ZBTB7C: variants seen among roughly 807,000 people sequenced by gnomAD.
The protein encoded by ZBTB7C is zinc finger and BTB domain-containing protein 7C.
In ZBTB7C, 8 loss-of-function variants were observed where a neutral mutation model predicts 25.7. The observed-to-expected ratio is 0.31, with a 90% CI of 0.18 to 0.56. The LOEUF is 0.56. ZBTB7C is among the 20% of genes least tolerant of loss of function. The pLI is 0.91. For missense variants in ZBTB7C, 824 were observed against 855.2 expected (o/e 0.96, Z 0.46); for synonymous variants, 394 against 369.0 (o/e 1.07, Z -0.78).
At chr18:48,034,153 C>T (rs1197946907) in intron 4 of ZBTB7C, among the ~76,000 whole-genome samples, 1 of 152,140 alleles carries the variant, frequency 6.6e-6, no homozygotes, top group Non-Finnish European at 1.5e-5. Context: ...CTGGCAGTTC[C>T]ACTTAAAACT....
At chr18:48,080,452 A>G (rs2037938627) in intron 3 of ZBTB7C, among the ~76,000 whole-genome samples, 1 of 152,210 alleles carries the variant, frequency 6.6e-6, no homozygotes, top group South Asian at 2.1e-4. Flanking sequence ...AGCCACAAAC[A>G]ATGCTCTAAT....
rs901389719 is a variant in ZBTB7C at position 48,347,139 on chromosome 18, T to G, written c.-303-8741A>C. Among the ~76,000 whole-genome samples, 6 of 145,354 alleles carry G rather than the reference T, an allele frequency of 4.1e-5. No homozygotes were observed. The East Asian group carries it at 7.9e-4, about 19-fold the overall frequency. ...GTTTTTGTTTGTTTTTTTTTTTTTT[T>G]TTTTTTTTTGAGACGGAGTCTCGCT... On this transcript the variant is annotated intron_variant, in intron 1 of 4. Transcript: ENST00000590800.
At position 48,029,868 on chromosome 18, in the gene ZBTB7C, G is replaced by A; in HGVS notation, c.1252C>T (p.Arg418Trp). 3 of 1,611,328 alleles carry A rather than the reference G, an allele frequency of 1.9e-6. No homozygotes were observed. The highest frequency in any genetic ancestry group is 1.1e-5 in the South Asian group (1 of 91,090). ...TTGCAGTGGATGCACAGGTAGGGCC[G>A]CTCCCCTGTGTGCTTCCGCATGTGG... ...KIHMRKHTGE[R>W]PYLCIHCNAK... The change falls in exon 5 of 5, where the codon CGG becomes TGG. Residue 418 changes from arginine (R) to tryptophan (W), a missense_variant. Transcript: ENST00000590800.
intron 1 of ZBTB7C, among the ~76,000 whole-genome samples, chr18:48,398,918 C>T (rs2048092393): frequency 6.6e-6 from 1 of 152,146 alleles, no homozygotes; most frequent in Admixed American, 6.5e-5. Flanking sequence ...AATAACTTGG[C>T]AAAATTATTC....
chr18:48,231,866 CCATGTAAG>C (rs2043264575), intron 2 of ZBTB7C, among the ~76,000 whole-genome samples: 1 of 152,208 alleles, frequency 6.6e-6, no homozygotes, highest in Admixed American at 6.5e-5. Context: ...CCAGTGCCAG[CCATGTAAG>C]CTTCTTGTGG....
chr18:48,226,386 C>A (rs114253440), intron 2 of ZBTB7C, among the ~76,000 whole-genome samples: 80 of 152,264 alleles, frequency 5.3e-4, no homozygotes, highest in African/African-American at 1.9e-3. Context: ...AATCTTAGTC[C>A]TTAACAATCA....
At chr18:48,161,787 C>A (rs1363125563) in intron 3 of ZBTB7C, among the ~76,000 whole-genome samples, 4 of 150,958 alleles carry the variant, frequency 2.6e-5, no homozygotes, top group African/African-American at 9.8e-5. Context: ...CCCGCCCTCT[C>A]CCTCCACTCT....
At chr18:48,195,609 A>G (rs1475196182) in intron 2 of ZBTB7C, among the ~76,000 whole-genome samples, 1 of 152,238 alleles carries the variant, frequency 6.6e-6, no homozygotes, top group Non-Finnish European at 1.5e-5. Context: ...GTGTGAGAAC[A>G]GACTAATACA....
chr18:48,280,606 C>A (rs934144649), intron 2 of ZBTB7C, among the ~76,000 whole-genome samples: 2 of 152,088 alleles, frequency 1.3e-5, no homozygotes, highest in African/African-American at 4.8e-5. Context: ...AGCCACACCC[C>A]CAACTCTGAC....
chr18:48,095,117 A>G (rs181708071), intron 3 of ZBTB7C, among the ~76,000 whole-genome samples: 215 of 152,322 alleles, frequency 1.4e-3, no homozygotes, highest in South Asian at 2.3e-3. Flanking sequence ...CTTTGGCAAT[A>G]TAACAGGTGA....
At chr18:48,065,138 G>C (rs1427843425) in intron 3 of ZBTB7C, among the ~76,000 whole-genome samples, 2 of 149,180 alleles carry the variant, frequency 1.3e-5, no homozygotes, top group Non-Finnish European at 3.0e-5. Flanking sequence ...TCCCTGTCCA[G>C]CGAGCGCATG....
At chr18:48,350,684 C>A (rs1453116001) in intron 1 of ZBTB7C, 3 of 152,076 alleles carry the variant, frequency 2.0e-5, no homozygotes, top group African/African-American at 7.2e-5. Flanking sequence ...CCCCTGTCGC[C>A]CACCACCCAG....
chr18:48,195,172 T>A (rs2081246474), intron 2 of ZBTB7C, among the ~76,000 whole-genome samples: 1 of 152,228 alleles, frequency 6.6e-6, no homozygotes, highest in Non-Finnish European at 1.5e-5. Context: ...TTCACCAAAC[T>A]TTTGATGTAA....
At position 48,405,534 on chromosome 18, in the gene ZBTB7C, C is replaced by A. The variant is rs921210897; in HGVS notation, c.-304+3692G>T. On this transcript the variant is annotated intron_variant, in intron 1 of 4. Transcript: ENST00000590800. The stretch of plus-strand genomic sequence containing the variant: ...GTGCAAATGGGAGAGTAGTATCTGA[C>A]AAAAAGTACACACGGTGGCTCTAGA... 4.6e-5 allele frequency among the ~76,000 whole-genome samples: 7 copies of A among 152,168 alleles called. No individual in the cohort carries two copies. The South Asian group carries it at 8.3e-4, about 18-fold the overall frequency.
intron 3 of ZBTB7C, among the ~76,000 whole-genome samples, chr18:48,081,553 G>A (rs1365370789): frequency 6.6e-6 from 1 of 151,656 alleles, no homozygotes; most frequent in African/African-American, 2.4e-5. Context: ...CCGCCTCCCA[G>A]GTTCATGCCA....
intron 1 of ZBTB7C, among the ~76,000 whole-genome samples, chr18:48,382,296 C>T (rs951533513): frequency 3.9e-5 from 6 of 152,156 alleles, no homozygotes; most frequent in African/African-American, 9.7e-5. Flanking sequence ...GCTAGGAAAG[C>T]AGGGGATTAT....
intron 2 of ZBTB7C, among the ~76,000 whole-genome samples, chr18:48,253,486 A>T (rs944658698): frequency 6.6e-6 from 1 of 152,190 alleles, no homozygotes; most frequent in Admixed American, 6.5e-5. Flanking sequence ...GAGCCCTACA[A>T]TTGCCCAAAC....
At chr18:48,251,471 C>G (rs189449672) in intron 2 of ZBTB7C, among the ~76,000 whole-genome samples, 202 of 152,226 alleles carry the variant, frequency 1.3e-3, no homozygotes, top group Non-Finnish European at 2.4e-3. Flanking sequence ...AAGCAGCCCT[C>G]AAATCATTTC....
chr18:48,040,655 C>A lies in ZBTB7C; in HGVS notation c.453G>T (p.Glu151Asp). Residue 151 changes from glutamate (E) to aspartate (D), a missense_variant, in exon 4 of 5, where the codon GAG becomes GAT. Transcript: ENST00000590800. ...DDDDDEDDDD[E>D]EDEEEEEEEE... ...CTTCCTCCTCCTCCTCTTCGTCCTC[C>A]TCATCATCATCATCTTCGTCGTCGT... The A allele has an allele frequency of 6.2e-7, 1 of 1,613,598 alleles. No individual in the cohort carries two copies. Among genetic ancestry groups the A allele is most frequent in the Non-Finnish European group, 8.5e-7 (1 of 1,179,666 alleles).
Sources: gnomAD v4.1 joint callset for allele counts (sites outside exome capture counted in the v4.1 genomes callset) on GRCh38, gnomAD v4.1.1 for gene constraint, MANE v1.5 for transcripts, NCBI Gene and HGNC (gene_info 2026-07-23, HGNC 2026-07-21) for gene names.